The following ZNF560 variants were observed in gnomAD, a reference collection of about 807,000 sequenced individuals.
The protein encoded by ZNF560 is zinc finger protein 560.
In ZNF560, 54 loss-of-function variants were observed where a neutral mutation model predicts 81.8. The ratio of observed to expected loss-of-function variants is 0.66; its 90% confidence interval spans 0.53 to 0.83. ZNF560 has a LOEUF of 0.83. ZNF560 is among the 40% of genes least tolerant of loss of function. The pLI, the probability that ZNF560 is intolerant of heterozygous loss-of-function variation, is 0.00. For missense variants in ZNF560, 940 were observed against 932.4 expected (o/e 1.01, Z -0.11); for synonymous variants, 321 against 317.9 (o/e 1.01, Z -0.10).
chr19:9,469,919 A>G, intron 7 of ZNF560: 1 of 544,538 alleles, frequency 1.8e-6, no homozygotes, highest in Non-Finnish European at 3.3e-6. Flanking sequence ...GCCCCAAGAA[A>G]CAAGCACTAG....
intron 2 of ZNF560, among the ~76,000 whole-genome samples, chr19:9,484,943 T>C (rs1309620207): frequency 6.6e-6 from 1 of 151,954 alleles, no homozygotes; most frequent in African/African-American, 2.4e-5. Context: ...CAAAGGATCA[T>C]AAAAGACTAC....
intron 2 of ZNF560, among the ~76,000 whole-genome samples, chr19:9,486,001 A>G (rs2073378708): frequency 6.6e-6 from 1 of 152,232 alleles, no homozygotes; most frequent in African/African-American, 2.4e-5. Flanking sequence ...AGGGAGCATC[A>G]GCACCAAACC....
At chr19:9,449,552 AAGTC>A in the ZNF560 span, among the ~76,000 whole-genome samples, 1 of 152,210 alleles carries the variant, frequency 6.6e-6, no homozygotes, top group South Asian at 2.1e-4. Context: ...AAAACTTAGA[AAGTC>A]AGCACCATAT....
chr19:9,493,619 G>A (rs2073507180), intron 2 of ZNF560, among the ~76,000 whole-genome samples: 1 of 152,074 alleles, frequency 6.6e-6, no homozygotes, highest in South Asian at 2.1e-4. Flanking sequence ...GCCTCCCAAA[G>A]TGCCGGGATT....
chr19:9,501,327 T>TTGTGTGTGTG (rs71185606), upstream of ZNF560, among the ~76,000 whole-genome samples: 99 of 109,024 alleles, frequency 9.1e-4, 1 homozygote, highest in African/African-American at 2.1e-3. Context: ...CCTGGCTACT[T>TTGTGTGTGTG]TGTGTGTGTG....
chr19:9,472,869 G>C (rs1170412946), intron 5 of ZNF560, among the ~76,000 whole-genome samples: 4 of 152,056 alleles, frequency 2.6e-5, no homozygotes, highest in African/African-American at 9.7e-5. Context: ...AAAAAGGCTG[G>C]GGACTGCTGG....
At chr19:9,483,421 G>A (rs1031830381) in intron 2 of ZNF560, among the ~76,000 whole-genome samples, 17 of 150,758 alleles carry the variant, frequency 1.1e-4, no homozygotes, top group Non-Finnish European at 1.3e-4. Flanking sequence ...GAGCCCCTCC[G>A]CCTGGCAGCC....
the ZNF560 span, among the ~76,000 whole-genome samples, chr19:9,446,904 G>C: frequency 6.6e-6 from 1 of 152,088 alleles, no homozygotes; most frequent in Non-Finnish European, 1.5e-5. Context: ...GGAGGCCGAG[G>C]TGGGCAGATC....
Position 9,468,259 on chromosome 19 carries a change from T to C in ZNF560, c.688A>G (p.Lys230Glu), listed in dbSNP as rs1332923435. 6.2e-7 allele frequency: 1 copy of C among 1,613,992 alleles called. No individual in the cohort carries two copies. Among genetic ancestry groups the C allele is most frequent in the Non-Finnish European group, 8.5e-7 (1 of 1,179,946 alleles). ...CTATTTTGAGTACTCATGTTGGTCT[T>C]AAGGCATGGATGTTTACAGAAGACA... ...EDVFCKHPCL[K>E]TNMSTQNRGN... The change falls in exon 10 of 10, where the codon AAG (lysine) becomes GAG (glutamate). Residue 230 changes from lysine (K) to glutamate (E), a missense_variant. Lys to Glu is a moderately conservative substitution (Grantham distance 56, BLOSUM62 1). Transcript: ENST00000301480.
intron 2 of ZNF560, among the ~76,000 whole-genome samples, chr19:9,477,173 T>C (rs965867087): frequency 2.6e-5 from 4 of 152,164 alleles, no homozygotes; most frequent in African/African-American, 9.7e-5. Context: ...TGTTATATGT[T>C]AGACATTACA....
At chr19:9,487,000 G>A (rs548309781) in intron 2 of ZNF560, among the ~76,000 whole-genome samples, 8 of 152,060 alleles carry the variant, frequency 5.3e-5, no homozygotes, top group East Asian at 3.9e-4. Context: ...AAGTCTTTTC[G>A]TAAGCAACTT....
the ZNF560 span, among the ~76,000 whole-genome samples, chr19:9,460,086 C>A: frequency 6.6e-6 from 1 of 152,022 alleles, no homozygotes. Context: ...TTGTGTTTCT[C>A]CAGGACAGAA....
At chr19:9,484,783 A>G (rs1035232535) in intron 2 of ZNF560, among the ~76,000 whole-genome samples, 3 of 151,892 alleles carry the variant, frequency 2.0e-5, no homozygotes, top group Admixed American at 2.0e-4. Flanking sequence ...ACTCCATCTC[A>G]AAAAATAAGT....
intron 5 of ZNF560, among the ~76,000 whole-genome samples, chr19:9,472,007 G>A (rs1227752072): frequency 6.6e-6 from 1 of 152,118 alleles, no homozygotes; most frequent in Non-Finnish European, 1.5e-5. Context: ...CTACTCGGGA[G>A]GCTGAGGCAG....
At chr19:9,491,959 A>G (rs1439157038) in intron 2 of ZNF560, among the ~76,000 whole-genome samples, 1 of 143,936 alleles carries the variant, frequency 6.9e-6, no homozygotes, top group East Asian at 2.0e-4. Flanking sequence ...AAAACTGAAT[A>G]TATAAGGGCA....
intron 5 of ZNF560, among the ~76,000 whole-genome samples, chr19:9,472,827 A>C (rs2073143297): frequency 1.3e-5 from 2 of 152,108 alleles, no homozygotes; most frequent in Admixed American, 1.3e-4. Flanking sequence ...TCTGTGGAAA[A>C]ATTGTCTTCC....
intron 2 of ZNF560, among the ~76,000 whole-genome samples, chr19:9,486,534 G>A (rs1231003397): frequency 2.0e-5 from 3 of 151,986 alleles, no homozygotes; most frequent in African/African-American, 7.3e-5. Context: ...GAGGTTAGGA[G>A]TTTGAAACCA....
At chr19:9,489,261 G>A (rs958876081) in intron 2 of ZNF560, among the ~76,000 whole-genome samples, 1 of 151,812 alleles carries the variant, frequency 6.6e-6, no homozygotes, top group South Asian at 2.1e-4. Flanking sequence ...CCAGGCAGAG[G>A]CGCTCCTCGC....
intron 2 of ZNF560, among the ~76,000 whole-genome samples, chr19:9,485,087 A>T (rs2073363781): frequency 6.6e-6 from 1 of 152,160 alleles, no homozygotes; most frequent in South Asian, 2.1e-4. Context: ...AAGGAGACCA[A>T]ATCACTAACT....
Sources: allele counts gnomAD v4.1 joint callset (sites outside exome capture counted in the v4.1 genomes callset), GRCh38; gene constraint gnomAD v4.1.1; transcripts MANE v1.5; gene names NCBI Gene and HGNC (gene_info 2026-07-23, HGNC 2026-07-21).